OR6T1: variants seen among roughly 807,000 people sequenced by gnomAD.
OR6T1 encodes the protein olfactory receptor 6T1.
For synonymous variants in OR6T1, 179 were observed against 159.1 expected (o/e 1.13, Z -0.94); for missense variants, 389 against 390.5 (o/e 1.00, Z 0.03).
chr11:123,943,429 T>C lies in OR6T1; in HGVS notation c.410A>G (p.Asn137Ser), dbSNP rs139531321. The C allele has an allele frequency of 1.2e-6, 2 of 1,614,146 alleles. No homozygotes were observed. The highest frequency in any genetic ancestry group is 1.7e-6 in the Non-Finnish European group (2 of 1,180,012). ...CRPLRYETLM[N>S]GHVCSQLVLA... ...CACTAGTTGGGAACAGACATGGCCA[T>C]TCATCAGGGTCTCATAGCGGAGTGG... Residue 137 changes from asparagine (N) to serine (S), a missense_variant, in exon 1 of 1, where the codon AAT becomes AGT. Asn to Ser is a conservative substitution (Grantham distance 46). Coordinates refer to ENST00000321252, the MANE Select transcript of OR6T1 (RefSeq NM_001005187.1).
Position 123,943,652 on chromosome 11 carries a change from G to A in OR6T1, c.187C>T (p.Leu63=), listed in dbSNP as rs202146428. Residue 63 remains leucine (L), a synonymous_variant, in exon 1 of 1, where the codon CTG becomes TTG. Coordinates refer to ENST00000321252, the MANE Select transcript of OR6T1 (RefSeq NM_001005187.1). The part of the protein sequence containing the change: ...QRLHIQMYFF[L]RNFSFLELLL... ...AGCTCCAGGAAGGAGAAATTCCGCA[G>A]GAAGAAGTACATCTGTATGTGCAGG... 1 of 1,614,170 alleles carries A rather than the reference G, an allele frequency of 6.2e-7. No individual in the cohort carries two copies. Among genetic ancestry groups the A allele is most frequent in the Admixed American group, 1.7e-5 (1 of 60,028 alleles).
chr11:123,943,607 C>T lies in OR6T1; in HGVS notation c.232G>A (p.Val78Ile), dbSNP rs770417366. 6.2e-7 allele frequency: 1 copy of T among 1,614,176 alleles called. No individual in the cohort carries two copies. Among genetic ancestry groups the T allele is most frequent in the Non-Finnish European group, 8.5e-7 (1 of 1,180,032 alleles). ...AGGATGACGACAAGCATCTTGGGAACCACAACAGTTACCAGCAACAGCTCC... is the reference window on the plus strand; with the variant it reads ...AGGATGACGACAAGCATCTTGGGAATCACAACAGTTACCAGCAACAGCTCC... ...FLELLLVTVV[V>I]PKMLVVILTG... Residue 78 changes from valine to isoleucine, a missense_variant, in exon 1 of 1, where the codon GTT (valine) becomes ATT (isoleucine). By Grantham distance (29) the Val-to-Ile change is conservative (BLOSUM62 3). Transcript: ENST00000321252.
rs1309779913 is a variant in OR6T1 at position 123,943,824 on chromosome 11, G to A, written c.15C>T (p.Asn5=). 7 of 1,612,058 alleles carry A rather than the reference G, an allele frequency of 4.3e-6. No homozygotes were observed. In the East Asian group the frequency reaches 6.7e-5, roughly 15 times the overall value. The part of the protein sequence containing the change: MNPE[N]WTQVTSFVLL... ...GGACAAAGCTTGTTACCTGAGTCCAGTTTTCAGGGTTCATCTTCAGTCACC... is the reference window on the plus strand; with the variant it reads ...GGACAAAGCTTGTTACCTGAGTCCAATTTTCAGGGTTCATCTTCAGTCACC... The change falls in exon 1 of 1, where the codon AAC becomes AAT. Residue 5 remains asparagine, a synonymous_variant. Coordinates refer to ENST00000321252, the MANE Select transcript of OR6T1 (RefSeq NM_001005187.1).
At position 123,943,526 on chromosome 11, in the gene OR6T1, A is replaced by G; in HGVS notation, c.313T>C (p.Phe105Leu). The change falls in exon 1 of 1, where the codon TTC becomes CTC. Residue 105 changes from phenylalanine (F) to leucine (L), a missense_variant. Physicochemically the swap from Phe to Leu is conservative, Grantham distance 22 (BLOSUM62 0). Transcript: ENST00000321252. ...VSCIIQSYLYFFLGTTDFFLL... is the reference protein window; with the variant it reads ...VSCIIQSYLYLFLGTTDFFLL... ...AAGAAGTCAGTGGTGCCTAGAAAGA[A>G]GTAGAGGTAGGACTGGATGATGCAG... 6.2e-7 allele frequency: 1 copy of G among 1,614,202 alleles called. No homozygotes were observed. The highest frequency in any genetic ancestry group is 8.5e-7 in the Non-Finnish European group (1 of 1,180,042).
chr11:123,942,937 A>G lies in OR6T1; in HGVS notation c.902T>C (p.Leu301Pro), dbSNP rs1396108603. The part of the protein sequence containing the change: ...TLRNDKVQQA[L>P]REALGWPRLT... The stretch of plus-strand genomic sequence containing the variant: ...CCTGGGCCACCCCAAGGCTTCTCTC[A>G]GTGCTTGCTGCACCTTGTCATTGCG... Residue 301 changes from leucine to proline, a missense_variant, in exon 1 of 1, where the codon CTG (leucine) becomes CCG (proline). By Grantham distance (98) the Leu-to-Pro change is moderately conservative (BLOSUM62 -3). Coordinates refer to ENST00000321252, the MANE Select transcript of OR6T1 (RefSeq NM_001005187.1). 8.1e-6 allele frequency: 13 copies of G among 1,614,164 alleles called. No homozygotes were observed. Among genetic ancestry groups the G allele is most frequent in the Non-Finnish European group, 1.1e-5 (13 of 1,180,006 alleles).
chr11:123,943,735 T>C lies in OR6T1; in HGVS notation c.104A>G (p.Tyr35Cys). Residue 35 changes from tyrosine to cysteine, a missense_variant, in exon 1 of 1, where the codon TAC becomes TGC. Transcript: ENST00000321252. ...FLVFLGLMVT[Y>C]IVTATGKLLI... ...CAGCTTGCCTGTGGCTGTTACAATG[T>C]AGGTCACCATTAACCCCAGGAACAC... The C allele has an allele frequency of 6.2e-7, 1 of 1,614,178 alleles. No homozygotes were observed.
rs4936859 is a variant in OR6T1, at chr11:123,943,782, A to G, written c.57T>C (p.Ser19=). 0.32 allele frequency: 512,860 copies of G among 1,613,542 alleles called. 84,286 individuals are homozygous for G. Among genetic ancestry groups the G allele is most frequent in the Admixed American group, 0.36 (21,793 of 60,000 alleles). ...VTSFVLLGFP[S]SHLIQFLVFL... ...ACACCAGGAACTGTATGAGGTGGCT[A>G]CTGGGGAAACCCAGAAGGACAAAGC... Residue 19 remains serine, a synonymous_variant, in exon 1 of 1, where the codon AGT becomes AGC. Transcript: ENST00000321252.
chr11:123,943,491 G>T lies in OR6T1; in HGVS notation c.348C>A (p.Ala116=), dbSNP rs200014167. The T allele has an allele frequency of 1.2e-6, 2 of 1,613,960 alleles. No individual in the cohort carries two copies. The highest frequency in any genetic ancestry group is 2.7e-5 in the African/African-American group (2 of 74,912). ...CCAGGTAACGATCCAGAGACATGAC[G>T]GCCAAGAGGAAGAAGTCAGTGGTGC... is the stretch of plus-strand genomic sequence containing the variant. ...FLGTTDFFLL[A]VMSLDRYLAI... Residue 116 remains alanine (A), a synonymous_variant, in exon 1 of 1, where the codon GCC becomes GCA. Coordinates refer to ENST00000321252, the MANE Select transcript of OR6T1 (RefSeq NM_001005187.1).
Position 123,943,284 on chromosome 11 carries a change from G to A in OR6T1, c.555C>T (p.Leu185=). The A allele has an allele frequency of 6.2e-7, 1 of 1,614,172 alleles. No individual in the cohort carries two copies. The highest frequency in any genetic ancestry group is 1.3e-5 in the African/African-American group (1 of 75,038). The part of the protein sequence containing the change: ...DHFFRDSWPL[L]RLSCGDTHLL... ...GGTGGGTGTCCCCACAAGAAAGCCT[G>A]AGCAAGGGCCAACTGTCACGAAAGA... The change falls in exon 1 of 1, where the codon CTC becomes CTT. Residue 185 remains leucine, a synonymous_variant. Coordinates refer to ENST00000321252, the MANE Select transcript of OR6T1 (RefSeq NM_001005187.1).
chr11:123,943,414 G>T lies in OR6T1; in HGVS notation c.425C>A (p.Ser142Tyr). ...YETLMNGHVCSQLVLASWLAG... is the reference protein window; with the variant it reads ...YETLMNGHVCYQLVLASWLAG... ...TAGCCAGGAGGCCAGCACTAGTTGGGAACAGACATGGCCATTCATCAGGGT... is the reference window on the plus strand; with the variant it reads ...TAGCCAGGAGGCCAGCACTAGTTGGTAACAGACATGGCCATTCATCAGGGT... The change falls in exon 1 of 1, where the codon TCC becomes TAC. Residue 142 changes from serine (S) to tyrosine (Y), a missense_variant. Coordinates refer to ENST00000321252, the MANE Select transcript of OR6T1 (RefSeq NM_001005187.1). The T allele has an allele frequency of 6.2e-7, 1 of 1,614,170 alleles. No homozygotes were observed. The highest frequency in any genetic ancestry group is 8.5e-7 in the Non-Finnish European group (1 of 1,180,022).
chr11:123,943,678 C>T lies in OR6T1; in HGVS notation c.161G>A (p.Arg54His), dbSNP rs368321030. 47 of 1,613,984 alleles carry T rather than the reference C, an allele frequency of 2.9e-5. No individual in the cohort carries two copies. The highest frequency in any genetic ancestry group is 4.5e-5 in the East Asian group (2 of 44,900). The stretch of plus-strand genomic sequence containing the variant: ...GAAGAAGTACATCTGTATGTGCAGG[C>T]GTTGGTCTATCCAGCTGAGCACAAT... ...LIIVLSWIDQRLHIQMYFFLR... is the reference protein window; with the variant it reads ...LIIVLSWIDQHLHIQMYFFLR... The change falls in exon 1 of 1, where the codon CGC becomes CAC. Residue 54 changes from arginine (R) to histidine (H), a missense_variant. Arg to His is a conservative substitution (Grantham distance 29, BLOSUM62 0). Coordinates refer to ENST00000321252, the MANE Select transcript of OR6T1 (RefSeq NM_001005187.1).
In OR6T1 at chr11:123,943,590, G is replaced by T; in HGVS notation, c.249C>A (p.Val83=). The stretch of plus-strand genomic sequence containing the variant: ...TGGTGTGATCCCCCGTGAGGATGAC[G>T]ACAAGCATCTTGGGAACCACAACAG... The part of the protein sequence containing the change: ...LVTVVVPKML[V]VILTGDHTIS... The change falls in exon 1 of 1, where the codon GTC becomes GTA. Residue 83 remains valine, a synonymous_variant. Coordinates refer to ENST00000321252, the MANE Select transcript of OR6T1 (RefSeq NM_001005187.1). The T allele has an allele frequency of 6.2e-7, 1 of 1,614,190 alleles. No individual in the cohort carries two copies. The highest frequency in any genetic ancestry group is 1.3e-5 in the African/African-American group (1 of 75,046).
chr11:123,942,966 A>G lies in OR6T1; in HGVS notation c.873T>C (p.Thr291=), dbSNP rs780794824. ...CTTGCTGCACCTTGTCATTGCGGAG[A>G]GTGAAGATGAATGGGTTCAAGAGGG... ...ITPLLNPFIF[T]LRNDKVQQAL... is the part of the protein sequence containing the mutation. The change falls in exon 1 of 1, where the codon ACT becomes ACC. Residue 291 remains threonine, a synonymous_variant. Transcript: ENST00000321252. The G allele has an allele frequency of 2.5e-6, 4 of 1,614,012 alleles. No individual in the cohort carries two copies. In the South Asian group the frequency reaches 3.3e-5, roughly 13 times the overall value.
In OR6T1 at chr11:123,943,437, G is replaced by A. The variant is rs774219599; in HGVS notation, c.402C>T (p.Thr134=). 9.3e-6 allele frequency: 15 copies of A among 1,614,034 alleles called. No individual in the cohort carries two copies. The highest frequency in any genetic ancestry group is 1.6e-4 in the Middle Eastern group (1 of 6,084). ...GGGAACAGACATGGCCATTCATCAG[G>A]GTCTCATAGCGGAGTGGTCGGCAGA... ...LAICRPLRYE[T]LMNGHVCSQL... Residue 134 remains threonine, a synonymous_variant, in exon 1 of 1, where the codon ACC becomes ACT. Coordinates refer to ENST00000321252, the MANE Select transcript of OR6T1 (RefSeq NM_001005187.1).
rs1565577057 is a variant in OR6T1, at chr11:123,943,558, A to T, written c.281T>A (p.Phe94Tyr). 6.2e-7 allele frequency: 1 copy of T among 1,614,196 alleles called. No homozygotes were observed. Among genetic ancestry groups the T allele is most frequent in the Non-Finnish European group, 8.5e-7 (1 of 1,180,032 alleles). ...VILTGDHTIS[F>Y]VSCIIQSYLY... Reference sequence around the variant, plus strand: ...GTAGGACTGGATGATGCAGCTGACAAATGAGATGGTGTGATCCCCCGTGAG... The same window carrying T: ...GTAGGACTGGATGATGCAGCTGACATATGAGATGGTGTGATCCCCCGTGAG... The change falls in exon 1 of 1, where the codon TTT becomes TAT. Residue 94 changes from phenylalanine to tyrosine, a missense_variant. Transcript: ENST00000321252.
At position 123,942,949 on chromosome 11, in the gene OR6T1, A is replaced by G. The variant is rs750955442; in HGVS notation, c.890T>C (p.Val297Ala). The stretch of plus-strand genomic sequence containing the variant: ...CAAGGCTTCTCTCAGTGCTTGCTGC[A>G]CCTTGTCATTGCGGAGAGTGAAGAT... ...PFIFTLRNDK[V>A]QQALREALGW... Residue 297 changes from valine (V) to alanine (A), a missense_variant, in exon 1 of 1, where the codon GTG (valine) becomes GCG (alanine). Transcript: ENST00000321252. 15 of 1,614,132 alleles carry G rather than the reference A, an allele frequency of 9.3e-6. No individual in the cohort carries two copies. Among genetic ancestry groups the G allele is most frequent in the Non-Finnish European group, 1.1e-5 (13 of 1,179,998 alleles).
rs1320449679 is a variant in OR6T1, at chr11:123,943,817, G to T, written c.22C>A (p.Gln8Lys). 1 of 1,613,096 alleles carries T rather than the reference G, an allele frequency of 6.2e-7. No individual in the cohort carries two copies. The highest frequency in any genetic ancestry group is 8.5e-7 in the Non-Finnish European group (1 of 1,179,510). The change falls in exon 1 of 1, where the codon CAG becomes AAG. Residue 8 changes from glutamine (Q) to lysine (K), a missense_variant. Coordinates refer to ENST00000321252, the MANE Select transcript of OR6T1 (RefSeq NM_001005187.1). MNPENWT[Q>K]VTSFVLLGFP... is the part of the protein sequence containing the mutation. ...CCCAGAAGGACAAAGCTTGTTACCT[G>T]AGTCCAGTTTTCAGGGTTCATCTTC...
Position 123,943,132 on chromosome 11 carries a change from T to A in OR6T1, c.707A>T (p.Lys236Ile). 6.2e-7 allele frequency: 1 copy of A among 1,614,196 alleles called. No homozygotes were observed. ...LRAPTAAERRKAFSTCASHLT... is the reference protein window; with the variant it reads ...LRAPTAAERRIAFSTCASHLT... ...ATGCGAGGCGCAAGTGGAAAACGCTTTCCTTCGCTCAGCAGCTGTAGGGGC... is the reference window on the plus strand; with the variant it reads ...ATGCGAGGCGCAAGTGGAAAACGCTATCCTTCGCTCAGCAGCTGTAGGGGC... Residue 236 changes from lysine to isoleucine, a missense_variant, in exon 1 of 1, where the codon AAA becomes ATA. Physicochemically the swap from Lys to Ile is moderately radical, Grantham distance 102. Transcript: ENST00000321252.
rs779363695 is a variant in OR6T1 at position 123,943,248 on chromosome 11, C to A, written c.591G>T (p.Leu197=). 1 of 1,614,172 alleles carries A rather than the reference C, an allele frequency of 6.2e-7. No homozygotes were observed. The highest frequency in any genetic ancestry group is 1.7e-5 in the Admixed American group (1 of 60,024). The change falls in exon 1 of 1, where the codon CTG becomes CTT. Residue 197 remains leucine (L), a synonymous_variant. Transcript: ENST00000321252. The part of the protein sequence containing the change: ...LSCGDTHLLK[L]VAFMLSTLVL... ...CCAACGTAGAGAGCATGAAAGCCAC[C>A]AGTTTCAGCAGGTGGGTGTCCCCAC...
Sources: allele counts gnomAD v4.1 joint callset, GRCh38; gene constraint gnomAD v4.1.1; transcripts MANE v1.5; gene names NCBI Gene and HGNC (gene_info 2026-07-23, HGNC 2026-07-21).